The following ARNT2 variants were observed in gnomAD, a reference collection of about 807,000 sequenced individuals.
ARNT2 encodes the protein ARNT protein 2.
A neutral mutation model predicts 91.7 loss-of-function variants in ARNT2; 36 were observed. That is an observed-to-expected ratio of 0.39 (90% CI 0.30 to 0.52). The LOEUF (loss-of-function observed/expected upper bound fraction) is 0.52, where lower values mean the gene tolerates loss of function less well. ARNT2 is among the 20% of genes least tolerant of loss of function. The probability of loss-of-function intolerance (pLI) is 0.72; values close to 1 mark genes in which losing one functional copy is unlikely to be tolerated. For missense variants in ARNT2, 775 were observed against 939.3 expected (o/e 0.83, Z 2.29); for synonymous variants, 365 against 347.1 (o/e 1.05, Z -0.57).
At chr15:80,467,035 A>G (rs894918030) in intron 3 of ARNT2, among the ~76,000 whole-genome samples, 1 of 152,258 alleles carries the variant, frequency 6.6e-6, no homozygotes, top group Non-Finnish European at 1.5e-5. Flanking sequence ...TTTGGATAAT[A>G]GTATCAGAAG....
At chr15:80,441,311 A>T (rs1896184001) in intron 1 of ARNT2, 13 of 985,180 alleles carry the variant, frequency 1.3e-5, no homozygotes, top group Non-Finnish European at 1.6e-5. Context: ...TTCTACACGG[A>T]TAACAGATTC....
chr15:80,455,377 C>T (rs1472153434), intron 2 of ARNT2, among the ~76,000 whole-genome samples: 1 of 152,122 alleles, frequency 6.6e-6, no homozygotes, highest in Non-Finnish European at 1.5e-5. Flanking sequence ...GATCTGGGTC[C>T]CTAATTTTCC....
intron 17 of ARNT2, among the ~76,000 whole-genome samples, chr15:80,589,127 G>A (rs1364271728): frequency 6.6e-6 from 1 of 152,176 alleles, no homozygotes; most frequent in East Asian, 1.9e-4. Flanking sequence ...CTTACAGTAA[G>A]GACCAGGAGG....
At chr15:80,513,378 C>G (rs1897373980) in intron 6 of ARNT2, among the ~76,000 whole-genome samples, 1 of 152,224 alleles carries the variant, frequency 6.6e-6, no homozygotes, top group South Asian at 2.1e-4. Context: ...CTGCCATCAG[C>G]AGACTTCCAG....
intron 1 of ARNT2, among the ~76,000 whole-genome samples, chr15:80,431,947 C>T (rs576807724): frequency 8.5e-5 from 13 of 152,276 alleles, no homozygotes; most frequent in Non-Finnish European, 1.9e-4. Context: ...ATTCTGGGGT[C>T]GCTGCCCAGG....
At chr15:80,563,834 C>T (rs1898418496) in intron 12 of ARNT2, among the ~76,000 whole-genome samples, 1 of 152,234 alleles carries the variant, frequency 6.6e-6, no homozygotes, top group Non-Finnish European at 1.5e-5. Flanking sequence ...ACACCACTTC[C>T]TGGCTGTGCG....
In ARNT2 at chr15:80,575,209, A is replaced by G. The variant is rs72732085; in HGVS notation, c.1513+99A>G. 3,238 of 1,499,668 alleles carry G rather than the reference A, an allele frequency of 2.2e-3. 10 individuals are homozygous for G. The highest frequency in any genetic ancestry group is 2.7e-3 in the Non-Finnish European group (2,963 of 1,095,160). The allele number at this position is 1,499,668 out of a possible 1,614,324, so 92.9% of individuals were successfully genotyped here. On this transcript the variant is annotated intron_variant, in intron 14 of 18. Transcript: ENST00000303329. ...ACTCTTAGTAAGAGGGGGCCACGGAAGGTGAGTTTTGAGTAACCATTGCAG... is the reference window on the plus strand; with the variant it reads ...ACTCTTAGTAAGAGGGGGCCACGGAGGGTGAGTTTTGAGTAACCATTGCAG...
intron 17 of ARNT2, among the ~76,000 whole-genome samples, chr15:80,588,961 C>G (rs1381123579): frequency 6.6e-6 from 1 of 152,114 alleles, no homozygotes; most frequent in Non-Finnish European, 1.5e-5. Flanking sequence ...AGCATGGAGC[C>G]CACGTCAGAG....
At chr15:80,543,211 G>A (rs1274464149) in intron 8 of ARNT2, among the ~76,000 whole-genome samples, 3 of 151,728 alleles carry the variant, frequency 2.0e-5, no homozygotes, top group Admixed American at 6.6e-5. Context: ...TGAGAAGGAA[G>A]CTGACATTCA....
At chr15:80,457,031 A>G (rs1896491192) in intron 2 of ARNT2, among the ~76,000 whole-genome samples, 1 of 152,196 alleles carries the variant, frequency 6.6e-6, no homozygotes, top group Admixed American at 6.5e-5. Context: ...AAGCTCAGAC[A>G]TCTGTATCAT....
chr15:80,537,191 A>ATGGACTT (rs1426621347), intron 8 of ARNT2, among the ~76,000 whole-genome samples: 3 of 152,258 alleles, frequency 2.0e-5, no homozygotes, highest in Non-Finnish European at 2.9e-5. Context: ...CTTGGTTTGT[A>ATGGACTT]TGGACTTTCT....
chr15:80,508,159 G>A lies in ARNT2; in HGVS notation c.626G>A (p.Arg209Gln), dbSNP rs772270443. 1.0e-4 allele frequency: 162 copies of A among 1,613,820 alleles called. No individual in the cohort carries two copies. Among genetic ancestry groups the A allele is most frequent in the Non-Finnish European group, 1.3e-4 (149 of 1,179,906 alleles). ...ACTGTCCTTCTCTCTCTCTTAGGCC[G>A]GATCTTGGACCTGAAGACTGGGACG... ...LCTSENSMTGRILDLKTGTVK... is the reference protein window; with the variant it reads ...LCTSENSMTGQILDLKTGTVK... Residue 209 changes from arginine to glutamine, a missense_variant, in exon 6 of 19, where the codon CGG (arginine) becomes CAG (glutamine). Transcript: ENST00000303329.
At position 80,593,771 on chromosome 15, in the gene ARNT2, C is replaced by T. The variant is rs887297865; in HGVS notation, c.*73C>T. 13 of 1,374,906 alleles carry T rather than the reference C, an allele frequency of 9.5e-6. No individual in the cohort carries two copies. Among genetic ancestry groups the T allele is most frequent in the Non-Finnish European group, 1.1e-5 (11 of 996,232 alleles). The allele number at this position is 1,374,906 out of a possible 1,614,324, so 85.2% of individuals were successfully genotyped here. On this transcript the variant is annotated 3_prime_UTR_variant, in exon 19 of 19. Transcript: ENST00000303329. The stretch of plus-strand genomic sequence containing the variant: ...ATGTCGATGCCCATGTGAATGAGGC[C>T]CACCCTCGCCCTGCTTGCCCTGCCG...
chr15:80,581,798 C>A (rs1173940249), intron 17 of ARNT2, among the ~76,000 whole-genome samples: 1 of 152,212 alleles, frequency 6.6e-6, no homozygotes, highest in Non-Finnish European at 1.5e-5. Flanking sequence ...GCAAAGTTTT[C>A]TGTCTCTTTT....
chr15:80,419,843 A>G (rs1460177903), intron 1 of ARNT2, among the ~76,000 whole-genome samples: 1 of 152,216 alleles, frequency 6.6e-6, no homozygotes, highest in Non-Finnish European at 1.5e-5. Flanking sequence ...TGTGCCTGGC[A>G]GCAGGTCAGC....
intron 11 of ARNT2, chr15:80,560,298 G>A (rs1898310586): frequency 6.6e-6 from 1 of 152,262 alleles, no homozygotes; most frequent in Admixed American, 6.5e-5. Flanking sequence ...AAGGGCTTTG[G>A]GGCCAGGTAG....
chr15:80,459,115 A>G (rs1348386958), intron 3 of ARNT2, among the ~76,000 whole-genome samples: 2 of 152,216 alleles, frequency 1.3e-5, no homozygotes, highest in Admixed American at 1.3e-4. Flanking sequence ...GGATTCCCAG[A>G]GTCTCCAAGT....
chr15:80,579,798 A>G (rs1898758201), intron 15 of ARNT2, among the ~76,000 whole-genome samples: 2 of 152,364 alleles, frequency 1.3e-5, no homozygotes, highest in South Asian at 2.1e-4. Flanking sequence ...TGCAAAGGCC[A>G]TGCAGAGAGC....
chr15:80,575,267 G>A (rs112270799), intron 14 of ARNT2, among the ~76,000 whole-genome samples, 157 bp downstream of exon 14: 10 of 152,314 alleles, frequency 6.6e-5, no homozygotes, highest in African/African-American at 1.2e-4. Flanking sequence ...AATGGATTCT[G>A]TCTACTCCTG....
Sources: allele counts gnomAD v4.1 joint callset (sites outside exome capture counted in the v4.1 genomes callset), GRCh38; gene constraint gnomAD v4.1.1; transcripts MANE v1.5; gene names NCBI Gene and HGNC (gene_info 2026-07-23, HGNC 2026-07-21).